Variants in CAMTA1 observed in about 807,000 individuals in gnomAD.
CAMTA1 encodes the protein calmodulin binding transcription activator 1.
Under a neutral mutation model 170.9 loss-of-function variants are expected in CAMTA1, and 27 were observed. That is an observed-to-expected ratio of 0.16 (90% confidence interval 0.12 to 0.22). The LOEUF is 0.22. Ranked by LOEUF, CAMTA1 falls within the 10% of genes least tolerant of loss-of-function variation. The probability of loss-of-function intolerance (pLI) is 1.00; values close to 1 mark genes in which losing one functional copy is unlikely to be tolerated. For synonymous variants in CAMTA1, 833 were observed against 891.5 expected (o/e 0.93, Z 1.17); for missense variants, 1,619 against 2,217.2 (o/e 0.73, Z 5.42).
chr1:7,171,284 T>A (rs919556791), intron 4 of CAMTA1, among the ~76,000 whole-genome samples: 3 of 152,200 alleles, frequency 2.0e-5, no homozygotes, highest in African/African-American at 7.2e-5. Flanking sequence ...GCAATTGCCT[T>A]GGTTTGGAGA....
chr1:7,629,192 C>T (rs569867024), intron 6 of CAMTA1, among the ~76,000 whole-genome samples: 1 of 152,320 alleles, frequency 6.6e-6, no homozygotes, highest in East Asian at 1.9e-4. Flanking sequence ...CTGCAGGACG[C>T]CAGCAGCCTG....
chr1:6,871,819 TC>T, intron 3 of CAMTA1: 1 of 1,518,400 alleles, frequency 6.6e-7, no homozygotes, highest in Non-Finnish European at 8.8e-7. Flanking sequence ...TCACCTTTGA[TC>T]CCCTGACCTG....
At chr1:7,012,611 C>T (rs867109925) in intron 3 of CAMTA1, among the ~76,000 whole-genome samples, 36 of 152,188 alleles carry the variant, frequency 2.4e-4, no homozygotes, top group African/African-American at 6.8e-4. Flanking sequence ...TCTCAGTCCT[C>T]GCCCTTGCCT....
chr1:7,489,896 C>T (rs957833882), intron 6 of CAMTA1, among the ~76,000 whole-genome samples: 1 of 152,198 alleles, frequency 6.6e-6, no homozygotes, highest in African/African-American at 2.4e-5. Context: ...GGGTGACTGG[C>T]TACTGGCATC....
At chr1:7,296,171 CAG>C (rs1383493686) in intron 5 of CAMTA1, among the ~76,000 whole-genome samples, 1 of 152,138 alleles carries the variant, frequency 6.6e-6, no homozygotes, top group Non-Finnish European at 1.5e-5. Context: ...TGAGAAGAGC[CAG>C]AGAGAGTGAA....
At chr1:6,926,463 TCTTTCTTTCTTTC>T (rs947967271) in intron 3 of CAMTA1, among the ~76,000 whole-genome samples, 1 of 137,396 alleles carries the variant, frequency 7.3e-6, no homozygotes, top group African/African-American at 3.4e-5. Context: ...TTTCTTTCTT[TCTTTCTTTCTTTC>T]TTTCTTTCTT....
chr1:7,479,788 T>C (rs1349687445), intron 6 of CAMTA1, among the ~76,000 whole-genome samples: 1 of 152,222 alleles, frequency 6.6e-6, no homozygotes, highest in Non-Finnish European at 1.5e-5. Context: ...TAGTCCCTTA[T>C]CTGCTTCTGC....
intron 6 of CAMTA1, among the ~76,000 whole-genome samples, chr1:7,554,025 TG>T (rs2094843988): frequency 6.6e-6 from 1 of 152,166 alleles, no homozygotes. Context: ...TTCCTGGATG[TG>T]GGCTCTGTTC....
At chr1:7,650,345 G>C (rs1208546725) in intron 7 of CAMTA1, among the ~76,000 whole-genome samples, 3 of 152,184 alleles carry the variant, frequency 2.0e-5, no homozygotes, top group Non-Finnish European at 4.4e-5. Flanking sequence ...TTCCTGTGAG[G>C]CCAGTTACAG....
At chr1:7,583,035 C>T (rs1299426938) in intron 6 of CAMTA1, among the ~76,000 whole-genome samples, 11 of 152,094 alleles carry the variant, frequency 7.2e-5, no homozygotes, top group Admixed American at 7.2e-4. Flanking sequence ...CGCTCCAGAA[C>T]CTTCCAGTGG....
At chr1:7,626,519 C>T (rs918119195) in intron 6 of CAMTA1, among the ~76,000 whole-genome samples, 3 of 152,200 alleles carry the variant, frequency 2.0e-5, no homozygotes, top group Non-Finnish European at 2.9e-5. Context: ...GTTTGCTGGC[C>T]GGGAAGCAGC....
intron 4 of CAMTA1, among the ~76,000 whole-genome samples, chr1:7,244,676 G>C (rs1455986047): frequency 6.6e-6 from 1 of 152,060 alleles, no homozygotes; most frequent in Admixed American, 6.5e-5. Context: ...TCACTCATAG[G>C]TGGGAACTGA....
In CAMTA1 at chr1:7,664,164, C is replaced by A; in HGVS notation, c.1617C>A (p.Phe539Leu). 2 of 1,612,950 alleles carry A rather than the reference C, an allele frequency of 1.2e-6. No homozygotes were observed. The highest frequency in any genetic ancestry group is 1.7e-6 in the Non-Finnish European group (2 of 1,180,034). Reference sequence around the variant, plus strand: ...AGATCAAGACCGAGGACACCTCCTTCGAGCAGCAGATGGCCAAAGAAGCGT... The same window carrying A: ...AGATCAAGACCGAGGACACCTCCTTAGAGCAGCAGATGGCCAAAGAAGCGT... Reference protein sequence around the residue: ...TKEIKTEDTSFEQQMAKEAYS... With the variant: ...TKEIKTEDTSLEQQMAKEAYS... Residue 539 changes from phenylalanine to leucine, a missense_variant, in exon 9 of 23, where the codon TTC (phenylalanine) becomes TTA (leucine). Transcript: ENST00000303635.
chr1:7,569,384 T>A (rs111161920), intron 6 of CAMTA1, among the ~76,000 whole-genome samples: 2 of 142,420 alleles, frequency 1.4e-5, no homozygotes, highest in Non-Finnish European at 3.1e-5. Context: ...ATCATCAACA[T>A]CACCATCATC....
chr1:7,396,239 C>G (rs2089297354), intron 5 of CAMTA1, among the ~76,000 whole-genome samples: 1 of 152,156 alleles, frequency 6.6e-6, no homozygotes. Flanking sequence ...CTCTTGCCTC[C>G]TCTCTCATCA....
chr1:7,142,368 C>T (rs925337960), intron 4 of CAMTA1, among the ~76,000 whole-genome samples: 1 of 152,172 alleles, frequency 6.6e-6, no homozygotes, highest in Non-Finnish European at 1.5e-5. Context: ...AAGCAGTGGT[C>T]CACGAACTGC....
chr1:7,205,424 G>T (rs1048188644), intron 4 of CAMTA1, among the ~76,000 whole-genome samples: 1 of 152,130 alleles, frequency 6.6e-6, no homozygotes, highest in East Asian at 1.9e-4. Flanking sequence ...TTATTGAATG[G>T]TCTACCTTCA....
intron 1 of CAMTA1, among the ~76,000 whole-genome samples, chr1:6,816,864 C>A (rs1645886706): frequency 6.6e-6 from 1 of 152,216 alleles, no homozygotes; most frequent in Non-Finnish European, 1.5e-5. Flanking sequence ...GTGTTTGGCA[C>A]AGGGGTATCT....
intron 6 of CAMTA1, among the ~76,000 whole-genome samples, chr1:7,620,655 C>T (rs1174732418): frequency 6.6e-6 from 1 of 152,124 alleles, no homozygotes; most frequent in Non-Finnish European, 1.5e-5. Flanking sequence ...CTGTATCCGC[C>T]CAGCACTCAC....
Sources: gnomAD v4.1 joint callset for allele counts (sites outside exome capture counted in the v4.1 genomes callset) on GRCh38, gnomAD v4.1.1 for gene constraint, MANE v1.5 for transcripts, NCBI Gene and HGNC (gene_info 2026-07-23, HGNC 2026-07-21) for gene names.